Variants in AP3B1 observed in about 807,000 individuals in gnomAD.
AP3B1 encodes the protein adaptor related protein complex 3 subunit beta 1, also known as AP-3 complex subunit beta-1.
A neutral mutation model predicts 132.5 loss-of-function variants in AP3B1; 61 were observed. The ratio of observed to expected loss-of-function variants is 0.46; its 90% CI spans 0.37 to 0.57. The LOEUF is 0.57. Among genes scored for constraint, AP3B1 ranks in the 20% least tolerant of loss-of-function variants. The probability of loss-of-function intolerance (pLI) is 0.00; values close to 1 mark genes in which losing one functional copy is unlikely to be tolerated. For missense variants in AP3B1, 1,120 were observed against 1,289.4 expected (o/e 0.87, Z 2.01); for synonymous variants, 388 against 438.3 (o/e 0.89, Z 1.43).
chr5:78,157,358 A>C (rs1334650331), intron 13 of AP3B1, among the ~76,000 whole-genome samples: 1 of 152,106 alleles, frequency 6.6e-6, no homozygotes, highest in Non-Finnish European at 1.5e-5. Context: ...CACTTAATTC[A>C]CTTCAATCAT....
intron 25 of AP3B1, among the ~76,000 whole-genome samples, chr5:78,018,398 A>C (rs1391746435): frequency 6.6e-6 from 1 of 152,088 alleles, no homozygotes; most frequent in Non-Finnish European, 1.5e-5. Flanking sequence ...GTTGCATATT[A>C]GAAATAAAAC....
chr5:78,248,075 A>G lies in AP3B1; in HGVS notation c.205-7139T>C, dbSNP rs535981929. On this transcript the variant is annotated intron_variant, in intron 2 of 26. Coordinates refer to ENST00000255194, the MANE Select transcript of AP3B1 (RefSeq NM_003664.5). ...TGAATCTCCTTTGTGCTCAAACAGC[A>G]TATCTTTAACTTATCGGATTATCAG... 2.6e-5 allele frequency among the ~76,000 whole-genome samples: 4 copies of G among 152,254 alleles called. No homozygotes were observed. In the East Asian group the frequency reaches 5.8e-4, roughly 22 times the overall value.
chr5:78,082,287 A>T (rs1045865555), intron 22 of AP3B1, among the ~76,000 whole-genome samples: 2 of 152,152 alleles, frequency 1.3e-5, no homozygotes, highest in African/African-American at 2.4e-5. Context: ...CCAGGCCAAG[A>T]TCCTCAAATC....
intron 1 of AP3B1, among the ~76,000 whole-genome samples, chr5:78,292,599 C>CA (rs1465546868): frequency 1.3e-5 from 2 of 152,136 alleles, no homozygotes; most frequent in Non-Finnish European, 2.9e-5. Flanking sequence ...AAAGTGGGAG[C>CA]AGAGAAGTAC....
In AP3B1 at chr5:78,216,405, C is replaced by T. The variant is rs9293732; in HGVS notation, c.604-168G>A. Among the ~76,000 whole-genome samples the T allele has an allele frequency of 0.27, 41,010 of 151,930 alleles. 5,761 individuals carry two copies. The highest frequency in any genetic ancestry group is 0.33 in the Middle Eastern group (96 of 294). ...AATAACAAACTTTATGGTGACTATT[C>T]GTCAAAGAATAATTTTAATAGTTCT... On this transcript the variant is annotated intron_variant, in intron 6 of 26. Coordinates refer to ENST00000255194, the MANE Select transcript of AP3B1 (RefSeq NM_003664.5).
At chr5:78,282,991 G>C (rs1259434429) in intron 1 of AP3B1, among the ~76,000 whole-genome samples, 1 of 152,150 alleles carries the variant, frequency 6.6e-6, no homozygotes, top group African/African-American at 2.4e-5. Context: ...CACAGAAAGA[G>C]ATTGTGTCTC....
intron 7 of AP3B1, among the ~76,000 whole-genome samples, chr5:78,186,476 G>A (rs12652827): frequency 0.041 from 6,250 of 152,206 alleles, 194 homozygotes; most frequent in East Asian, 0.13. Flanking sequence ...GCTATGAAAC[G>A]GCAACATGAA....
chr5:78,225,185 T>C (rs538165358), intron 6 of AP3B1, among the ~76,000 whole-genome samples: 4 of 152,178 alleles, frequency 2.6e-5, no homozygotes, highest in East Asian at 1.9e-4. Flanking sequence ...TTGAGAAATA[T>C]AAAGTGGGTA....
intron 22 of AP3B1, among the ~76,000 whole-genome samples, chr5:78,051,768 A>T (rs530029036): frequency 3.3e-5 from 5 of 152,292 alleles, no homozygotes; most frequent in Admixed American, 3.3e-4. Context: ...CTTACTTTAC[A>T]TCAGTATCTA....
At chr5:78,020,856 A>C in intron 24 of AP3B1, 67 bp from the exon 25 acceptor site, 1 of 1,260,974 alleles carries the variant, frequency 7.9e-7, no homozygotes, top group Non-Finnish European at 1.1e-6. Flanking sequence ...TAAGTAGTTA[A>C]ATCAATGCAA....
chr5:78,288,920 C>T (rs1166665223), intron 1 of AP3B1, among the ~76,000 whole-genome samples: 1 of 149,020 alleles, frequency 6.7e-6, no homozygotes, highest in Non-Finnish European at 1.5e-5. Context: ...CTCTAAACAA[C>T]TAGACCATGA....
chr5:78,026,741 C>T (rs1000750902), intron 24 of AP3B1, among the ~76,000 whole-genome samples: 4 of 152,092 alleles, frequency 2.6e-5, no homozygotes, highest in Non-Finnish European at 4.4e-5. Flanking sequence ...ATTTAAGATC[C>T]CACAAACAGC....
intron 7 of AP3B1, among the ~76,000 whole-genome samples, chr5:78,214,008 C>T (rs1745860486): frequency 6.6e-6 from 1 of 152,224 alleles, no homozygotes; most frequent in African/African-American, 2.4e-5. Context: ...CACCCCTGCC[C>T]TGCTTGGCTC....
intron 22 of AP3B1, among the ~76,000 whole-genome samples, chr5:78,081,522 C>A (rs951083153): frequency 2.0e-5 from 3 of 152,010 alleles, no homozygotes; most frequent in African/African-American, 7.2e-5. Flanking sequence ...TGGTCTCGAT[C>A]TCCTGACCTC....
chr5:78,203,905 T>C (rs1020411266), intron 7 of AP3B1, among the ~76,000 whole-genome samples: 2 of 152,220 alleles, frequency 1.3e-5, no homozygotes, highest in Non-Finnish European at 2.9e-5. Context: ...TAAGTTATTA[T>C]ACGTTTTCCC....
At chr5:78,044,826 T>C (rs898417202) in intron 22 of AP3B1, among the ~76,000 whole-genome samples, 2 of 152,210 alleles carry the variant, frequency 1.3e-5, no homozygotes, top group African/African-American at 4.8e-5. Context: ...AGCTTTATTA[T>C]AATTATCAAA....
intron 1 of AP3B1, among the ~76,000 whole-genome samples, chr5:78,285,143 GGA>G (rs371341071): frequency 0.22 from 32,705 of 151,562 alleles, 4,327 homozygotes; most frequent in Middle Eastern, 0.3. Flanking sequence ...CAGCTACTCG[GGA>G]GGCTGAGGCA....
chr5:78,294,008 C>T (rs1023336101), intron 1 of AP3B1, among the ~76,000 whole-genome samples: 3 of 152,112 alleles, frequency 2.0e-5, no homozygotes, highest in Non-Finnish European at 4.4e-5. Context: ...ACTCCGGGGT[C>T]ACAAAATAAC....
At chr5:78,090,834 T>C (rs973405965) in intron 21 of AP3B1, among the ~76,000 whole-genome samples, 1 of 152,200 alleles carries the variant, frequency 6.6e-6, no homozygotes, top group Non-Finnish European at 1.5e-5. Context: ...TTTTTGGAGA[T>C]AGGGTCTTGC....
Sources: allele counts gnomAD v4.1 joint callset (sites outside exome capture counted in the v4.1 genomes callset), GRCh38; gene constraint gnomAD v4.1.1; transcripts MANE v1.5; gene names NCBI Gene and HGNC (gene_info 2026-07-23, HGNC 2026-07-21).